ABCC12: variants seen among roughly 807,000 people sequenced by gnomAD.
ABCC12 encodes the protein ATP binding cassette subfamily C member 12, also known as ATP-binding cassette sub-family C member 12.
A neutral mutation model predicts 151.1 loss-of-function variants in ABCC12; 142 were observed. The observed-to-expected ratio is 0.94, with a 90% CI of 0.82 to 1.08. The LOEUF (loss-of-function observed/expected upper bound fraction) is 1.08. Among genes scored for constraint, ABCC12 ranks in the 50% least tolerant of loss-of-function variants. ABCC12 has a pLI of 0.00. For missense variants in ABCC12, 1,638 were observed against 1,691.1 expected (o/e 0.97, Z 0.55); for synonymous variants, 645 against 646.4 (o/e 1.00, Z 0.03).
intron 4 of ABCC12, among the ~76,000 whole-genome samples, chr16:48,142,709 G>C (rs79026317): frequency 6.6e-6 from 1 of 152,104 alleles, no homozygotes; most frequent in East Asian, 1.9e-4. Context: ...TGCAGCTGCT[G>C]GAAAAAATGA....
Position 48,130,904 on chromosome 16 carries a change from C to CA in ABCC12, c.1129-10dup, listed in dbSNP as rs777824710. ...GCAATCACACTAAATGCCTGAAGAACAAAAGAGAAGTATGAGGGTTTAGAA... is the reference window on the plus strand; with the variant it reads ...GCAATCACACTAAATGCCTGAAGAACAAAAAGAGAAGTATGAGGGTTTAGAA... On this transcript the variant is annotated splice_polypyrimidine_tract_variant and intron_variant, in intron 9 of 30. Coordinates refer to ENST00000311303, the MANE Select transcript of ABCC12 (RefSeq NM_001393797.1). The CA allele has an allele frequency of 6.3e-7, 1 of 1,592,936 alleles. No individual in the cohort carries two copies. Among genetic ancestry groups the CA allele is most frequent in the African/African-American group, 1.3e-5 (1 of 74,664 alleles).
chr16:48,103,755 G>A (rs1567447318), intron 22 of ABCC12, among the ~76,000 whole-genome samples: 1 of 152,206 alleles, frequency 6.6e-6, no homozygotes, highest in Non-Finnish European at 1.5e-5. Context: ...CAGCTGCAGT[G>A]GGAACCCCCG....
intron 2 of ABCC12, among the ~76,000 whole-genome samples, chr16:48,147,024 G>A (rs1277351612): frequency 1.3e-5 from 2 of 152,034 alleles, no homozygotes; most frequent in African/African-American, 2.4e-5. Flanking sequence ...ATCCCCAGGA[G>A]TTTTTGCATC....
At chr16:48,120,942 C>T (rs142777272) in intron 13 of ABCC12, among the ~76,000 whole-genome samples, 2 of 152,316 alleles carry the variant, frequency 1.3e-5, no homozygotes. Flanking sequence ...AATACATACT[C>T]GCAATTTTCG....
intron 10 of ABCC12, among the ~76,000 whole-genome samples, chr16:48,129,613 G>A (rs911284243): frequency 2.6e-5 from 4 of 152,170 alleles, no homozygotes; most frequent in Non-Finnish European, 4.4e-5. Context: ...ATTTTGAGCA[G>A]CTGAGAATAA....
chr16:48,096,648 C>T (rs376472401), intron 24 of ABCC12, 98 bp downstream of exon 24: 15 of 1,266,802 alleles, frequency 1.2e-5, no homozygotes, highest in African/African-American at 1.0e-4. Context: ...TAAACCCATT[C>T]GAGTTGGGGT....
At position 48,083,711 on chromosome 16, in the gene ABCC12, A is replaced by G; in HGVS notation, c.*4T>C. 6.2e-7 allele frequency: 1 copy of G among 1,613,996 alleles called. No homozygotes were observed. The highest frequency in any genetic ancestry group is 8.5e-7 in the Non-Finnish European group (1 of 1,179,960). On this transcript the variant is annotated 3_prime_UTR_variant, in exon 31 of 31. Transcript: ENST00000311303. ...TCCTCCTCTAGAATCAGCCGCCAGGACCTCTACAATCTGACTTCTGCTGCT... is the reference window on the plus strand; with the variant it reads ...TCCTCCTCTAGAATCAGCCGCCAGGGCCTCTACAATCTGACTTCTGCTGCT...
Position 48,146,377 on chromosome 16 carries a change from G to A in ABCC12, c.48C>T (p.Gly16=). 6.2e-7 allele frequency: 1 copy of A among 1,614,176 alleles called. No individual in the cohort carries two copies. Among genetic ancestry groups the A allele is most frequent in the African/African-American group, 1.3e-5 (1 of 75,028 alleles). ...ATCTTTCTGCAAAGGATCTCCGCCG[G>A]CCTCGCTGGTCCAGATCTGAGATAA... ...PYLISDLDQR[G]RRRSFAERYD... Residue 16 remains glycine, a synonymous_variant, in exon 3 of 31, where the codon GGC becomes GGT. Transcript: ENST00000311303.
At position 48,115,475 on chromosome 16, in the gene ABCC12, C is replaced by T. The variant is rs771483484; in HGVS notation, c.1929G>A (p.Glu643=). Residue 643 remains glutamate, a synonymous_variant, in exon 15 of 31, where the codon GAG becomes GAA. Coordinates refer to ENST00000311303, the MANE Select transcript of ABCC12 (RefSeq NM_001393797.1). ...VDAHVGKHVF[E]ECIKKTLRGK... is the part of the protein sequence containing the mutation. ...CCCTGAGCGTCTTCTTAATGCACTC[C>T]TCAAAGACGTGCTTCCCCACGTGGG... 7.4e-6 allele frequency: 12 copies of T among 1,614,130 alleles called. No homozygotes were observed. Among genetic ancestry groups the T allele is most frequent in the Non-Finnish European group, 9.3e-6 (11 of 1,180,054 alleles).
rs1372968270 is a variant in ABCC12, at chr16:48,128,717, G to A, written c.1257C>T (p.Ser419=). Residue 419 remains serine, a synonymous_variant, in exon 11 of 31, where the codon AGC becomes AGT. Transcript: ENST00000311303. ...RRMKKILIDK[S]PPSYITQPED... ...CTGGTTGGGTGATGTAAGATGGGGG[G>A]CTTTTATCTATGAGAATTTTCTAAG... 3 of 1,612,798 alleles carry A rather than the reference G, an allele frequency of 1.9e-6. No individual in the cohort carries two copies. The highest frequency in any genetic ancestry group is 1.7e-5 in the Admixed American group (1 of 59,798).
intron 11 of ABCC12, among the ~76,000 whole-genome samples, chr16:48,126,927 G>T (rs554036944): frequency 6.6e-6 from 1 of 152,168 alleles, no homozygotes; most frequent in African/African-American, 2.4e-5. Context: ...AGCGTCCTTA[G>T]AACACGGGAA....
Position 48,083,951 on chromosome 16 carries a change from T to A in ABCC12, c.3951A>T (p.Thr1317=). ...TVLTIAHRLN[T]VLNCDHVLVM... The stretch of plus-strand genomic sequence containing the variant: ...CCAGGACGTGATCGCAGTTGAGAAC[T>A]GTGTTGAGGCGGTGGGCGATGGTCA... Residue 1317 remains threonine, a synonymous_variant, in exon 30 of 31, where the codon ACA becomes ACT. Coordinates refer to ENST00000311303, the MANE Select transcript of ABCC12 (RefSeq NM_001393797.1). The A allele has an allele frequency of 1.2e-6, 2 of 1,612,774 alleles. No individual in the cohort carries two copies. The highest frequency in any genetic ancestry group is 1.1e-5 in the South Asian group (1 of 90,702).
rs11864570 is a variant in ABCC12, at chr16:48,084,131, C to T, written c.3829-58G>A. ...GCACTGAGAGGGGAATTTACAGCCT[C>T]GGCTCTATTTACTTTAAAAAAAAGA... On this transcript the variant is annotated intron_variant, in intron 29 of 30. Coordinates refer to ENST00000311303, the MANE Select transcript of ABCC12 (RefSeq NM_001393797.1). 16,982 of 1,491,048 alleles carry T rather than the reference C, an allele frequency of 0.011. 1,722 individuals carry two copies. The African/African-American group carries it at 0.22, about 19-fold the overall frequency. The allele number at this position is 1,491,048 out of a possible 1,614,324, so 92.4% of individuals were successfully genotyped here.
At chr16:48,135,835 G>C (rs1964590637) in intron 8 of ABCC12, among the ~76,000 whole-genome samples, 1 of 152,162 alleles carries the variant, frequency 6.6e-6, no homozygotes, top group African/African-American at 2.4e-5. Context: ...CCACGGCTCT[G>C]CAAAGCTCAC....
At position 48,083,784 on chromosome 16, in the gene ABCC12, C is replaced by T; in HGVS notation, c.4011G>A (p.Lys1337=). 1 of 1,614,174 alleles carries T rather than the reference C, an allele frequency of 6.2e-7. No individual in the cohort carries two copies. The highest frequency in any genetic ancestry group is 1.6e-4 in the Middle Eastern group (1 of 6,062). Residue 1337 remains lysine (K), a synonymous_variant, in exon 31 of 31, where the codon AAG becomes AAA. Transcript: ENST00000311303. ...MENGKVIEFD[K]PEVLAEKPDS... is the part of the protein sequence containing the mutation. ...CTGGCTTCTCTGCAAGGACTTCAGG[C>T]TTGTCAAACTCAATCACCTGAAAGT...
intron 8 of ABCC12, among the ~76,000 whole-genome samples, chr16:48,137,028 A>G (rs572181717): frequency 6.6e-6 from 1 of 152,182 alleles, no homozygotes; most frequent in Non-Finnish European, 1.5e-5. Context: ...CCAACAGGGG[A>G]GGAACAGGAT....
At chr16:48,139,429 G>T in intron 6 of ABCC12, 93 bp from the exon 7 acceptor site, 1 of 1,362,844 alleles carries the variant, frequency 7.3e-7, no homozygotes. Flanking sequence ...GGGATCTAGG[G>T]AGAAAGGAGA....
Position 48,115,546 on chromosome 16 carries a change from C to T in ABCC12, c.1858G>A (p.Asp620Asn), listed in dbSNP as rs771670747. ...TCGTCCAGCAGGTAGAGCTGACGGT[C>T]GGAGTAGACAGCGCGGGCCAGGCTA... is the stretch of plus-strand genomic sequence containing the variant. ...RISLARAVYSDRQLYLLDDPL... is the reference protein window; with the variant it reads ...RISLARAVYSNRQLYLLDDPL... The change falls in exon 15 of 31, where the codon GAC becomes AAC. Residue 620 changes from aspartate to asparagine, a missense_variant. Asp to Asn is a conservative substitution (Grantham distance 23). Coordinates refer to ENST00000311303, the MANE Select transcript of ABCC12 (RefSeq NM_001393797.1). 15 of 1,614,098 alleles carry T rather than the reference C, an allele frequency of 9.3e-6. No homozygotes were observed. Among genetic ancestry groups the T allele is most frequent in the Middle Eastern group, 1.6e-4 (1 of 6,082 alleles).
intron 19 of ABCC12, 21 bp from the exon 20 acceptor site, chr16:48,107,446 C>T (rs542069865): frequency 1.2e-6 from 2 of 1,605,014 alleles, no homozygotes; most frequent in African/African-American, 2.7e-5. Context: ...AGCGGAGAGG[C>T]CCAAGGGGCT....
Sources: allele counts gnomAD v4.1 joint callset (sites outside exome capture counted in the v4.1 genomes callset), GRCh38; gene constraint gnomAD v4.1.1; transcripts MANE v1.5; gene names NCBI Gene and HGNC (gene_info 2026-07-23, HGNC 2026-07-21).